The following ATL3 variants were observed in gnomAD, a reference collection of about 807,000 sequenced individuals.
The protein encoded by ATL3 is atlastin-3.
Under a neutral mutation model 69.5 loss-of-function variants are expected in ATL3, and 49 were observed. The observed-to-expected ratio is 0.71, with a 90% confidence interval of 0.56 to 0.89. ATL3 has a LOEUF of 0.89. Among genes scored for constraint, ATL3 ranks in the 40% least tolerant of loss-of-function variants. The pLI is 0.00. For missense variants in ATL3, 606 were observed against 645.7 expected, an observed-to-expected ratio of 0.94 and a Z score of 0.67; for synonymous variants, 214 against 224.1, an observed-to-expected ratio of 0.95 and a Z score of 0.40.
chr11:63,666,425 G>C (rs1484194997), intron 1 of ATL3, among the ~76,000 whole-genome samples: 1 of 152,040 alleles, frequency 6.6e-6, no homozygotes, highest in African/African-American at 2.4e-5. Flanking sequence ...AGATTCACCT[G>C]CTTACTCTCA....
At chr11:63,640,760 A>G (rs1470786277) in intron 8 of ATL3, among the ~76,000 whole-genome samples, 1 of 151,768 alleles carries the variant, frequency 6.6e-6, no homozygotes, top group African/African-American at 2.4e-5. Context: ...ACCTGCCACC[A>G]TGCCTGGCTA....
chr11:63,670,435 A>G (rs1484765132), intron 1 of ATL3: 1 of 152,240 alleles, frequency 6.6e-6, no homozygotes, highest in East Asian at 1.9e-4. Flanking sequence ...ACTCATTTAA[A>G]AATTCTTCAC....
intron 12 of ATL3, among the ~76,000 whole-genome samples, chr11:63,630,380 T>A (rs1939268461): frequency 7.8e-6 from 1 of 127,704 alleles, no homozygotes; most frequent in African/African-American, 3.1e-5. Context: ...TGAGCCAAGA[T>A]CACACCACTT....
chr11:63,632,307 C>A, intron 11 of ATL3: 3 of 781,122 alleles, frequency 3.8e-6, no homozygotes, highest in Non-Finnish European at 7.1e-6. Context: ...CTTCTGAATA[C>A]GTTGGTGGTG....
chr11:63,669,012 G>GT (rs1322016341), intron 1 of ATL3, among the ~76,000 whole-genome samples: 1 of 132,482 alleles, frequency 7.5e-6, no homozygotes, highest in Non-Finnish European at 1.7e-5. Context: ...TTTTTTTTTG[G>GT]GTGGGGGGGG....
chr11:63,666,699 C>T (rs574972342), intron 1 of ATL3, among the ~76,000 whole-genome samples: 1 of 152,108 alleles, frequency 6.6e-6, no homozygotes, highest in East Asian at 2.0e-4. Flanking sequence ...CATGAGCCAC[C>T]GTGCCCGGTC....
chr11:63,629,396 GAGA>G lies in ATL3; in HGVS notation c.1546_1548del (p.Ser516del), dbSNP rs761565730. Reference sequence around the variant, plus strand: ...GTGGCCTGAGTGGAATTACCGATATGAGAAGAAGCCTGCAAAAGTCCATTTATT... The same window carrying G: ...GTGGCCTGAGTGGAATTACCGATATGAGAAGCCTGCAAAAGTCCATTTATT... On this transcript the variant is annotated inframe_deletion, in exon 13 of 13. Transcript: ENST00000398868. 15 of 1,613,928 alleles carry G rather than the reference GAGA, an allele frequency of 9.3e-6. No individual in the cohort carries two copies. Among genetic ancestry groups the G allele is most frequent in the Non-Finnish European group, 4.2e-6 (5 of 1,179,910 alleles).
At position 63,633,067 on chromosome 11, in the gene ATL3, C is replaced by T. The variant is rs747529831; in HGVS notation, c.1066G>A (p.Ala356Thr). ...ATAEANNLAA[A>T]ASAKDIYYNN... Reference sequence around the variant, plus strand: ...TAATAAATGTCCTTGGCAGAGGCTGCAGCTGCTAAGTTGTTGGCTTCAGCA... The same window carrying T: ...TAATAAATGTCCTTGGCAGAGGCTGTAGCTGCTAAGTTGTTGGCTTCAGCA... Residue 356 changes from alanine (A) to threonine (T), a missense_variant, in exon 11 of 13, where the codon GCA becomes ACA. By Grantham distance (58) the Ala-to-Thr change is moderately conservative. Coordinates refer to ENST00000398868, the MANE Select transcript of ATL3 (RefSeq NM_015459.5). 1.2e-6 allele frequency: 2 copies of T among 1,614,120 alleles called. No homozygotes were observed. Among genetic ancestry groups the T allele is most frequent in the Non-Finnish European group, 1.7e-6 (2 of 1,179,964 alleles).
chr11:63,648,055 G>T (rs1185719885), intron 5 of ATL3, among the ~76,000 whole-genome samples: 1 of 152,122 alleles, frequency 6.6e-6, no homozygotes, highest in Non-Finnish European at 1.5e-5. Flanking sequence ...ACACTTCCAG[G>T]CACCCCTCTC....
chr11:63,646,655 A>G (rs766917945), intron 5 of ATL3, 92 bp from the exon 6 acceptor site: 9 of 757,502 alleles, frequency 1.2e-5, no homozygotes, highest in Non-Finnish European at 1.9e-5. Context: ...ATTTATACTG[A>G]TACCAGACTT....
chr11:63,630,958 C>A, intron 12 of ATL3, 82 bp downstream of exon 12: 1 of 1,416,740 alleles, frequency 7.1e-7, no homozygotes, highest in Non-Finnish European at 9.5e-7. Flanking sequence ...CTATGAAATT[C>A]TTCCAAACTG....
chr11:63,626,674 A>T lies in ATL3; in HGVS notation c.*2645T>A, dbSNP rs1236560278. The T allele has an allele frequency of 6.6e-6, 1 of 152,190 alleles. No individual in the cohort carries two copies. The highest frequency in any genetic ancestry group is 2.4e-5 in the African/African-American group (1 of 41,448). 9.4% of individuals were successfully genotyped at this position (152,190 alleles called of 1,614,324 possible). Reference sequence around the variant, plus strand: ...TGTAAAATTAAAAATGCCTGCATGGAAAGCGGCAGAGCAACAGACACGACG... The same window carrying T: ...TGTAAAATTAAAAATGCCTGCATGGTAAGCGGCAGAGCAACAGACACGACG... On this transcript the variant is annotated 3_prime_UTR_variant, in exon 13 of 13. Transcript: ENST00000398868.
chr11:63,671,195 AGGGCGGCGGCGC>A lies in ATL3; in HGVS notation c.46+83_46+94del, dbSNP rs1940761694. ...CGCGGTCCCAGCCCCGGGACGAGGAAGGGCGGCGGCGCGGGCGGGGGTTCTTTTCAGAACTAC... is the reference window on the plus strand; with the variant it reads ...CGCGGTCCCAGCCCCGGGACGAGGAAGGGCGGGGGTTCTTTTCAGAACTAC... On this transcript the variant is annotated intron_variant, in intron 1 of 12. Transcript: ENST00000398868. The A allele has an allele frequency of 4.1e-6, 6 of 1,453,990 alleles. No individual in the cohort carries two copies. In the South Asian group the frequency reaches 8.3e-5, roughly 20 times the overall value. The allele number at this position is 1,453,990 out of a possible 1,614,324, so 90.1% of individuals were successfully genotyped here.
intron 8 of ATL3, among the ~76,000 whole-genome samples, chr11:63,641,603 G>C (rs1048886357): frequency 6.6e-6 from 1 of 152,202 alleles, no homozygotes; most frequent in Middle Eastern, 3.2e-3. Context: ...GATGCTAGGA[G>C]AGAGTGTGGG....
intron 3 of ATL3, among the ~76,000 whole-genome samples, chr11:63,653,191 G>A (rs1021267473): frequency 1.3e-5 from 2 of 152,120 alleles, no homozygotes; most frequent in Non-Finnish European, 2.9e-5. Flanking sequence ...ATTAGGCCAG[G>A]CGCAGTGGCT....
chr11:63,664,465 G>A (rs1169024070), intron 1 of ATL3, among the ~76,000 whole-genome samples: 3 of 150,906 alleles, frequency 2.0e-5, no homozygotes, highest in Non-Finnish European at 4.4e-5. Context: ...GCTTGAACCC[G>A]GGAGGCAGAG....
In ATL3 at chr11:63,632,535, CA is replaced by C. The variant is rs1939355361; in HGVS notation, c.1107+490del. ...GTCCATCAGATTTCTTTAAAAGCTA[CA>C]GTTATGTCCCAGTGGGTCATGTTTG... is the stretch of plus-strand genomic sequence containing the variant. On this transcript the variant is annotated intron_variant, in intron 11 of 12. Coordinates refer to ENST00000398868, the MANE Select transcript of ATL3 (RefSeq NM_015459.5). 16 of 860,106 alleles carry C rather than the reference CA, an allele frequency of 1.9e-5. 1 individual carries two copies. In the South Asian group the frequency reaches 2.1e-4, roughly 11 times the overall value. The allele number at this position is 860,106 out of a possible 1,614,324, so 53.3% of individuals were successfully genotyped here. A position where few individuals can be genotyped will look rare whatever the true frequency, so the allele number is the denominator to read the frequency against.
intron 1 of ATL3, among the ~76,000 whole-genome samples, chr11:63,660,441 A>C (rs1183125651): frequency 6.6e-6 from 1 of 152,208 alleles, no homozygotes; most frequent in Non-Finnish European, 1.5e-5. Context: ...ACAGGGTATG[A>C]AGCAACCGCA....
At position 63,642,691 on chromosome 11, in the gene ATL3, C is replaced by A. The variant is rs545258640; in HGVS notation, c.850+666G>T. ...CTCACATATAAGATAAAGGAAATGA[C>A]ATCAAAGTCATTGGAATTACTGGGA... On this transcript the variant is annotated intron_variant, in intron 8 of 12. Transcript: ENST00000398868. Among the ~76,000 whole-genome samples the A allele has an allele frequency of 8.5e-5, 13 of 152,288 alleles. No homozygotes were observed. The South Asian group carries it at 2.3e-3, about 27-fold the overall frequency.
Sources: gnomAD v4.1 joint callset for allele counts (sites outside exome capture counted in the v4.1 genomes callset) on GRCh38, gnomAD v4.1.1 for gene constraint, MANE v1.5 for transcripts, NCBI Gene and HGNC (gene_info 2026-07-23, HGNC 2026-07-21) for gene names.